HPSE2: variants seen among roughly 807,000 people sequenced by gnomAD.
HPSE2 encodes the protein inactive heparanase-2.
In HPSE2, 38 loss-of-function variants were observed where a neutral mutation model predicts 60.5. That is an observed-to-expected ratio of 0.63 (90% CI 0.48 to 0.82). The LOEUF (loss-of-function observed/expected upper bound fraction) is 0.82, where lower values mean the gene tolerates loss of function less well. Ranked by LOEUF, HPSE2 falls within the 40% of genes least tolerant of loss-of-function variation. The pLI, the probability that HPSE2 is intolerant of heterozygous loss-of-function variation, is 0.00. For missense variants in HPSE2, 713 were observed against 740.4 expected (o/e 0.96, Z 0.43); for synonymous variants, 295 against 293.2 (o/e 1.01, Z -0.06).
At chr10:98,565,539 G>T (rs1352666513) in intron 9 of HPSE2, among the ~76,000 whole-genome samples, 1 of 152,150 alleles carries the variant, frequency 6.6e-6, no homozygotes, top group Non-Finnish European at 1.5e-5. Context: ...ATATTCCATG[G>T]TGCATATGTA....
At chr10:98,908,914 A>AC (rs1238278611) in intron 3 of HPSE2, among the ~76,000 whole-genome samples, 3 of 151,652 alleles carry the variant, frequency 2.0e-5, no homozygotes, top group African/African-American at 7.3e-5. Context: ...TGCCTTAAAC[A>AC]CCCTCTCCCC....
chr10:98,804,342 T>G (rs552042849), intron 3 of HPSE2, among the ~76,000 whole-genome samples: 1 of 151,934 alleles, frequency 6.6e-6, no homozygotes, highest in East Asian at 1.9e-4. Context: ...AATGAAGAGA[T>G]AACCCACAGA....
At chr10:98,688,178 C>T (rs1440958899) in intron 6 of HPSE2, among the ~76,000 whole-genome samples, 1 of 152,022 alleles carries the variant, frequency 6.6e-6, no homozygotes, top group African/African-American at 2.4e-5. Context: ...TATTGTACTA[C>T]TTATATAAAA....
chr10:98,938,923 C>T (rs1473844688), intron 3 of HPSE2, among the ~76,000 whole-genome samples: 3 of 143,866 alleles, frequency 2.1e-5, no homozygotes, highest in Admixed American at 6.9e-5. Context: ...AGAGTGGGAG[C>T]CAATATTCAA....
intron 9 of HPSE2, among the ~76,000 whole-genome samples, chr10:98,515,543 C>CT (rs138634511): frequency 6.6e-6 from 1 of 152,126 alleles, no homozygotes; most frequent in East Asian, 1.9e-4. Context: ...AAAGCAGACT[C>CT]TAAAATAGAA....
At chr10:98,836,963 G>A (rs112769240) in intron 3 of HPSE2, among the ~76,000 whole-genome samples, 2,102 of 152,168 alleles carry the variant, frequency 0.014, 43 homozygotes, top group African/African-American at 0.049. Context: ...TGCTTGAACT[G>A]GGACCCGGGA....
chr10:98,539,880 T>C (rs1943405795), intron 9 of HPSE2, among the ~76,000 whole-genome samples: 1 of 152,234 alleles, frequency 6.6e-6, no homozygotes. Context: ...CCTCCTTCTG[T>C]CTTCTGCTAT....
At chr10:98,907,224 T>G (rs1327100105) in intron 3 of HPSE2, among the ~76,000 whole-genome samples, 1 of 152,212 alleles carries the variant, frequency 6.6e-6, no homozygotes, top group Non-Finnish European at 1.5e-5. Flanking sequence ...CTAGTTGATA[T>G]GGACAAATTA....
chr10:98,937,148 C>T (rs560702111), intron 3 of HPSE2, among the ~76,000 whole-genome samples: 2 of 143,920 alleles, frequency 1.4e-5, no homozygotes, highest in South Asian at 4.2e-4. Context: ...CAGCTCCCAG[C>T]GTTAAGCGAC....
chr10:98,688,412 A>G (rs757924465), intron 6 of HPSE2, among the ~76,000 whole-genome samples: 1 of 148,590 alleles, frequency 6.7e-6, no homozygotes, highest in Non-Finnish European at 1.5e-5. Flanking sequence ...TTGAGATCCA[A>G]GTTTCCTTCT....
At chr10:99,081,560 G>A (rs1397479850) in intron 3 of HPSE2, among the ~76,000 whole-genome samples, 1 of 150,614 alleles carries the variant, frequency 6.6e-6, no homozygotes, top group Non-Finnish European at 1.5e-5. Context: ...AGCTACTAGA[G>A]TGCTATTCTA....
chr10:99,044,901 A>G (rs576167055), intron 3 of HPSE2, among the ~76,000 whole-genome samples: 39 of 152,276 alleles, frequency 2.6e-4, no homozygotes, highest in African/African-American at 9.1e-4. Flanking sequence ...GACTTAAGAC[A>G]ACCACACAAC....
At chr10:99,069,984 A>G (rs1290617759) in intron 3 of HPSE2, among the ~76,000 whole-genome samples, 1 of 152,206 alleles carries the variant, frequency 6.6e-6, no homozygotes, top group Non-Finnish European at 1.5e-5. Context: ...TTGAGGAAAG[A>G]GTAAAGCAAG....
intron 3 of HPSE2, among the ~76,000 whole-genome samples, chr10:98,804,475 T>G (rs1950994363): frequency 6.6e-6 from 1 of 152,018 alleles, no homozygotes; most frequent in South Asian, 2.1e-4. Context: ...GCAAAAGACT[T>G]AAATAGGCAT....
At chr10:98,499,388 A>C (rs113143532) in intron 9 of HPSE2, among the ~76,000 whole-genome samples, 12 of 152,274 alleles carry the variant, frequency 7.9e-5, no homozygotes, top group African/African-American at 2.9e-4. Context: ...AAGAATTTTG[A>C]ATCCAGCGAA....
chr10:99,262,448 AT>A, the HPSE2 span, among the ~76,000 whole-genome samples: 3 of 151,978 alleles, frequency 2.0e-5, no homozygotes, highest in Non-Finnish European at 4.4e-5. Context: ...CCTCCTTTGC[AT>A]CCTCCCCTTG....
At chr10:98,636,887 C>T (rs907795668) in intron 7 of HPSE2, among the ~76,000 whole-genome samples, 2 of 152,328 alleles carry the variant, frequency 1.3e-5, no homozygotes, top group Non-Finnish European at 2.9e-5. Flanking sequence ...CAAATGACTT[C>T]AGCCAAAGTG....
At chr10:98,685,007 C>T (rs1247540929) in intron 6 of HPSE2, among the ~76,000 whole-genome samples, 1 of 151,952 alleles carries the variant, frequency 6.6e-6, no homozygotes, top group Non-Finnish European at 1.5e-5. Flanking sequence ...GTTCTTTACC[C>T]ATATTTTATT....
chr10:98,628,712 T>C (rs1433010066), intron 7 of HPSE2, among the ~76,000 whole-genome samples: 1 of 152,130 alleles, frequency 6.6e-6, no homozygotes, highest in African/African-American at 2.4e-5. Context: ...CTCTGAATCC[T>C]TGGGCCTGCT....
Sources: gnomAD v4.1 joint callset for allele counts (sites outside exome capture counted in the v4.1 genomes callset) on GRCh38, gnomAD v4.1.1 for gene constraint, MANE v1.5 for transcripts, NCBI Gene and HGNC (gene_info 2026-07-23, HGNC 2026-07-21) for gene names.